The following RANBP17 variants were observed in gnomAD, a reference collection of about 807,000 sequenced individuals.
RANBP17 encodes RAN binding protein 17, also known as ran-binding protein 17.
A neutral mutation model predicts 141.2 loss-of-function variants in RANBP17; 158 were observed. That is an observed-to-expected ratio of 1.12 (90% CI 0.98 to 1.28). The LOEUF (loss-of-function observed/expected upper bound fraction) is 1.28, where lower values mean the gene tolerates loss of function less well. RANBP17 is among the 50% of genes most tolerant of loss of function. The probability of loss-of-function intolerance (pLI) is 0.00; values close to 1 mark genes in which losing one functional copy is unlikely to be tolerated. For synonymous variants in RANBP17, 430 were observed against 450.0 expected (o/e 0.96, Z 0.56); for missense variants, 1,438 against 1,290.7 (o/e 1.11, Z -1.75).
At chr5:171,040,313 T>A (rs1419201105) in intron 14 of RANBP17, among the ~76,000 whole-genome samples, 1 of 152,178 alleles carries the variant, frequency 6.6e-6, no homozygotes, top group Non-Finnish European at 1.5e-5. Context: ...TTTTTGTTCT[T>A]GATAAGATAT....
intron 16 of RANBP17, among the ~76,000 whole-genome samples, chr5:171,172,561 T>C (rs1198661812): frequency 2.0e-5 from 3 of 151,716 alleles, no homozygotes; most frequent in Admixed American, 1.3e-4. Context: ...ATAATAATGC[T>C]GAAATACTCT....
In RANBP17 at chr5:170,924,604, A is replaced by G. The variant is rs1046644409; in HGVS notation, c.1468+54A>G. 1.0e-5 allele frequency: 12 copies of G among 1,154,264 alleles called. No homozygotes were observed. The African/African-American group carries it at 1.5e-4, about 15-fold the overall frequency. The allele number at this position is 1,154,264 out of a possible 1,614,324, so 71.5% of individuals were successfully genotyped here. ...ATTATGTTGAATATTAAGTAACATC[A>G]TTAATCACTTTAATAGTTTTACTGC... On this transcript the variant is annotated intron_variant, in intron 12 of 27. Transcript: ENST00000523189.
At chr5:171,096,380 A>G (rs1786691988) in intron 14 of RANBP17, among the ~76,000 whole-genome samples, 1 of 152,242 alleles carries the variant, frequency 6.6e-6, no homozygotes, top group Admixed American at 6.5e-5. Flanking sequence ...AGCAAAAGTC[A>G]CTAATGAAGT....
intron 14 of RANBP17, among the ~76,000 whole-genome samples, chr5:171,124,227 CT>C (rs1254726303): frequency 6.6e-6 from 1 of 151,678 alleles, no homozygotes; most frequent in East Asian, 1.9e-4. Context: ...CAGTCAAGAG[CT>C]TCAGCAATAC....
intron 14 of RANBP17, among the ~76,000 whole-genome samples, chr5:171,064,782 A>G (rs1457721043): frequency 3.9e-5 from 6 of 151,918 alleles, no homozygotes; most frequent in African/African-American, 1.5e-4. Flanking sequence ...CTGCCTCCCA[A>G]AGTACTGGGA....
chr5:171,125,832 C>A (rs1203899525), intron 14 of RANBP17, among the ~76,000 whole-genome samples: 4 of 151,758 alleles, frequency 2.6e-5, no homozygotes, highest in Admixed American at 2.6e-4. Context: ...GCTCTGTCGC[C>A]CAGGCTAGAG....
chr5:171,047,302 G>C lies in RANBP17; in HGVS notation c.1710+78925G>C, dbSNP rs563903752. Among the ~76,000 whole-genome samples the C allele has an allele frequency of 2.0e-5, 3 of 151,716 alleles. No individual in the cohort carries two copies. In the South Asian group the frequency reaches 6.2e-4, roughly 32 times the overall value. Reference sequence around the variant, plus strand: ...CAAAGTGTTGGGATTACAGGTGTGAGCCACTGCACTTGGCCTTATTTTGCA... The same window carrying C: ...CAAAGTGTTGGGATTACAGGTGTGACCCACTGCACTTGGCCTTATTTTGCA... On this transcript the variant is annotated intron_variant, in intron 14 of 27. Coordinates refer to ENST00000523189, the MANE Select transcript of RANBP17 (RefSeq NM_022897.5).
At chr5:171,132,377 G>GT (rs201206737) in intron 14 of RANBP17, among the ~76,000 whole-genome samples, 7,918 of 143,136 alleles carry the variant, frequency 0.055, 250 homozygotes, top group East Asian at 0.12. Context: ...GACTTTAGTT[G>GT]TTTTTTTTTT....
chr5:171,012,834 A>G (rs773241724), intron 14 of RANBP17, among the ~76,000 whole-genome samples: 7 of 152,202 alleles, frequency 4.6e-5, no homozygotes, highest in Admixed American at 1.3e-4. Flanking sequence ...TACTTTTAAA[A>G]ACAAATGTAT....
intron 20 of RANBP17, 133 bp from the exon 21 acceptor site, chr5:171,213,498 T>C: frequency 1.5e-6 from 1 of 658,916 alleles, no homozygotes; most frequent in East Asian, 2.7e-5. Flanking sequence ...TTGTATAGTA[T>C]AGACATAGAA....
chr5:171,074,178 T>C (rs76221342), intron 14 of RANBP17, among the ~76,000 whole-genome samples: 4,687 of 152,298 alleles, frequency 0.031, 111 homozygotes, highest in Non-Finnish European at 0.05. Context: ...TGATAACTCA[T>C]GTGGTAGCAC....
At chr5:171,256,928 C>T (rs186260387) in intron 24 of RANBP17, among the ~76,000 whole-genome samples, 1 of 151,950 alleles carries the variant, frequency 6.6e-6, no homozygotes, top group Admixed American at 6.6e-5. Flanking sequence ...AAAAAAAAAT[C>T]CCAGCAAAAA....
At chr5:171,262,733 A>C (rs1205270581) in intron 24 of RANBP17, among the ~76,000 whole-genome samples, 1 of 152,196 alleles carries the variant, frequency 6.6e-6, no homozygotes, top group Non-Finnish European at 1.5e-5. Flanking sequence ...AGAACACTGC[A>C]ACTTATTCCT....
chr5:170,963,696 G>A (rs1014534534), intron 13 of RANBP17, among the ~76,000 whole-genome samples: 1 of 152,176 alleles, frequency 6.6e-6, no homozygotes, highest in Non-Finnish European at 1.5e-5. Context: ...GATCTGACAG[G>A]AGGCGGAGCT....
intron 14 of RANBP17, among the ~76,000 whole-genome samples, chr5:171,036,681 CAT>C (rs143116244): frequency 0.012 from 1,792 of 152,146 alleles, 32 homozygotes; most frequent in African/African-American, 0.041. Context: ...CAAGTAATAA[CAT>C]GTGGTATTTG....
intron 14 of RANBP17, among the ~76,000 whole-genome samples, chr5:170,998,612 G>T (rs574985111): frequency 6.6e-6 from 1 of 152,110 alleles, no homozygotes; most frequent in South Asian, 2.1e-4. Flanking sequence ...AGTTTGTTAG[G>T]CATTTTAACC....
At chr5:170,981,400 C>T (rs1304953372) in intron 14 of RANBP17, among the ~76,000 whole-genome samples, 3 of 152,074 alleles carry the variant, frequency 2.0e-5, no homozygotes, top group Non-Finnish European at 2.9e-5. Context: ...ACCCAAATCT[C>T]ATCTTGAATT....
At chr5:171,040,421 T>C (rs1430656803) in intron 14 of RANBP17, among the ~76,000 whole-genome samples, 1 of 152,302 alleles carries the variant, frequency 6.6e-6, no homozygotes, top group South Asian at 2.1e-4. Context: ...CATAAATAGG[T>C]TTTCCATTTA....
At chr5:171,113,207 G>A (rs1277576019) in intron 14 of RANBP17, among the ~76,000 whole-genome samples, 2 of 152,088 alleles carry the variant, frequency 1.3e-5, no homozygotes, top group African/African-American at 4.8e-5. Context: ...CCCTTCATGT[G>A]ATCACACATC....
Sources: gnomAD v4.1 joint callset for allele counts (sites outside exome capture counted in the v4.1 genomes callset) on GRCh38, gnomAD v4.1.1 for gene constraint, MANE v1.5 for transcripts, NCBI Gene and HGNC (gene_info 2026-07-23, HGNC 2026-07-21) for gene names.